The following CELSR3 variants were observed in gnomAD, a reference collection of about 807,000 sequenced individuals.
CELSR3 encodes the protein cadherin EGF LAG seven-pass G-type receptor 3, also known as EGF-like protein 1.
CELSR3 carries 73 observed loss-of-function variants against 270.0 expected under a neutral mutation model. The observed-to-expected ratio is 0.27, with a 90% CI of 0.22 to 0.33. The LOEUF is 0.33. Among genes scored for constraint, CELSR3 ranks in the 10% least tolerant of loss-of-function variants. CELSR3 has a pLI of 1.00. For synonymous variants in CELSR3, 1,780 were observed against 1,905.4 expected (o/e 0.93, Z 1.71); for missense variants, 3,614 against 4,533.8 (o/e 0.80, Z 5.83).
rs752788718 is a variant in CELSR3, at chr3:48,648,465, G to A, written c.6778-4C>T. ...CAGAGCCGGCCCACAGCAGATTCTG[G>A]GAAGACAGAGATAGAATTGGGTTCA... is the stretch of plus-strand genomic sequence containing the variant. On this transcript the variant is annotated splice_polypyrimidine_tract_variant and splice_region_variant and intron_variant, in intron 18 of 34. Transcript: ENST00000164024. 19 of 1,538,046 alleles carry A rather than the reference G, an allele frequency of 1.2e-5. No individual in the cohort carries two copies. The South Asian group carries it at 2.0e-4, about 17-fold the overall frequency.
chr3:48,653,937 C>T lies in CELSR3; in HGVS notation c.5219G>A (p.Arg1740His), dbSNP rs369198712. 21 of 1,613,358 alleles carry T rather than the reference C, an allele frequency of 1.3e-5. No individual in the cohort carries two copies. The highest frequency in any genetic ancestry group is 5.3e-5 in the African/African-American group (4 of 74,946). Residue 1740 changes from arginine (R) to histidine (H), a missense_variant, in exon 8 of 35, where the codon CGC becomes CAC. By Grantham distance (29) the Arg-to-His change is conservative. This residue lies in a region of CELSR3 where 1,331 missense variants were observed against 1,933.7 expected (regional missense o/e 0.69). Transcript: ENST00000164024. The surrounding 1 kb of genome is among the most constrained non-coding windows in gnomAD (Gnocchi z 6.5). ...PCKNSGFCSE[R>H]WGSFSCDCPV... ...GCAGTCGCAGCTGAAGCTGCCCCAG[C>T]GCTCCGAGCAGAAGCCACTGTTCTT...
At position 48,650,665 on chromosome 3, in the gene CELSR3, A is replaced by C. The variant is rs1416862026; in HGVS notation, c.6371-84T>G. On this transcript the variant is annotated intron_variant, in intron 15 of 34. Transcript: ENST00000164024. The surrounding 1 kb of genome is among the most constrained non-coding windows in gnomAD (Gnocchi z 5.1). ...ACCCACTGCCCCTCCACCACCCCCC[A>C]CAAGGCCCACTGCCCGCCACTCCTG... 25 of 1,134,980 alleles carry C rather than the reference A, an allele frequency of 2.2e-5. No homozygotes were observed. Among genetic ancestry groups the C allele is most frequent in the Middle Eastern group, 2.4e-4 (1 of 4,190 alleles). 70.3% of individuals were successfully genotyped at this position (1,134,980 alleles called of 1,614,324 possible).
chr3:48,662,325 G>T lies in CELSR3; in HGVS notation c.310C>A (p.Gln104Lys). Reference sequence around the variant, plus strand: ...TCAATCCCCAGCTCCTCATTCGGCTGCTCAGGGGGCCCTCGACTATTCCGG... The same window carrying T: ...TCAATCCCCAGCTCCTCATTCGGCTTCTCAGGGGGCCCTCGACTATTCCGG... ...SARNSRGPPEQPNEELGIEHG... is the reference protein window; with the variant it reads ...SARNSRGPPEKPNEELGIEHG... The change falls in exon 1 of 35, where the codon CAG becomes AAG. Residue 104 changes from glutamine to lysine, a missense_variant. Gln to Lys is a moderately conservative substitution (Grantham distance 53). Around this residue, in one of 7 missense-constraint regions of CELSR3, gnomAD observed 470 missense variants for 469.7 expected, o/e 1.00. Transcript: ENST00000164024. The surrounding 1 kb of genome is among the most constrained non-coding windows in gnomAD (Gnocchi z 7.1). 1 of 1,613,084 alleles carries T rather than the reference G, an allele frequency of 6.2e-7. No homozygotes were observed. The highest frequency in any genetic ancestry group is 8.5e-7 in the Non-Finnish European group (1 of 1,180,026).
chr3:48,641,819 G>T lies in CELSR3; in HGVS notation c.8824+32C>A. 7.0e-7 allele frequency: 1 copy of T among 1,433,742 alleles called. No homozygotes were observed. The highest frequency in any genetic ancestry group is 1.4e-5 in the African/African-American group (1 of 69,540). The allele number at this position is 1,433,742 out of a possible 1,614,324, so 88.8% of individuals were successfully genotyped here. A position where few individuals can be genotyped will look rare whatever the true frequency, so the allele number is the denominator to read the frequency against. On this transcript the variant is annotated intron_variant, in intron 32 of 34. Transcript: ENST00000164024. This position sits in a 1 kb window ranked among gnomAD's most constrained non-coding sequence, Gnocchi z 4.8. ...AGGGATAACAAATGGGGCATCCCTT[G>T]GTCACCCAAGGGGTCAGAGGGCGCC...
rs1386457199 is a variant in CELSR3, at chr3:48,648,836, G to A, written c.6660C>T (p.Asp2220=). ...QRLREVTGHT[D]HYFSQDVRVT... ...CTCGAACATCTTGGCTAAAATAGTGGTCAGTGTGGCCAGTCACCTCCCGTA... is the reference window on the plus strand; with the variant it reads ...CTCGAACATCTTGGCTAAAATAGTGATCAGTGTGGCCAGTCACCTCCCGTA... Residue 2220 remains aspartate (D), a synonymous_variant, in exon 18 of 35, where the codon GAC becomes GAT. Coordinates refer to ENST00000164024, the MANE Select transcript of CELSR3 (RefSeq NM_001407.3). The A allele has an allele frequency of 1.9e-6, 3 of 1,612,942 alleles. No homozygotes were observed. Among genetic ancestry groups the A allele is most frequent in the South Asian group, 2.2e-5 (2 of 91,088 alleles).
chr3:48,637,286 A>C lies in CELSR3; in HGVS notation c.*919T>G, dbSNP rs537477262. On this transcript the variant is annotated 3_prime_UTR_variant, in exon 35 of 35. Transcript: ENST00000164024. ...AAACATAGGAGGCAGTGGCACCTAC[A>C]TTCTGGGTCTTGAATTCCCTTGTTT... 1 of 152,714 alleles carries C rather than the reference A, an allele frequency of 6.5e-6. No individual in the cohort carries two copies. The highest frequency in any genetic ancestry group is 2.1e-4 in the South Asian group (1 of 4,832). 9.5% of individuals were successfully genotyped at this position (152,714 alleles called of 1,614,324 possible). A position where few individuals can be genotyped will look rare whatever the true frequency, so the allele number is the denominator to read the frequency against.
chr3:48,640,522 T>C lies in CELSR3; in HGVS notation c.9063A>G (p.Pro3021=). The change falls in exon 34 of 35, where the codon CCA becomes CCG. Residue 3021 remains proline, a synonymous_variant. Transcript: ENST00000164024. This position sits in a 1 kb window ranked among gnomAD's most constrained non-coding sequence, Gnocchi z 7.5. Reference sequence around the variant, plus strand: ...ACAGCTCAGGGGCACCTCGGGTCTGTGGCACCAGTGGGTATTGCAACCGGT... The same window carrying C: ...ACAGCTCAGGGGCACCTCGGGTCTGCGGCACCAGTGGGTATTGCAACCGGT... The part of the protein sequence containing the change: ...LKNRLQYPLV[P]QTRGAPELSW... 1.9e-6 allele frequency: 3 copies of C among 1,599,812 alleles called. No individual in the cohort carries two copies. The highest frequency in any genetic ancestry group is 2.6e-6 in the Non-Finnish European group (3 of 1,171,628).
At position 48,656,214 on chromosome 3, in the gene CELSR3, C is replaced by G; in HGVS notation, c.4551G>C (p.Ala1517=). ...CGAACGAACTGGGCGGGAAGGAGCG[C>G]GCAGCCACCTCGCAGCGCGGGCCCT... ...AFEGPRCEVA[A]RSFPPSSFVM... Residue 1517 remains alanine, a synonymous_variant, in exon 3 of 35, where the codon GCG becomes GCC. Transcript: ENST00000164024. 1 of 1,536,846 alleles carries G rather than the reference C, an allele frequency of 6.5e-7. No homozygotes were observed. Among genetic ancestry groups the G allele is most frequent in the East Asian group, 2.4e-5 (1 of 40,964 alleles).
chr3:48,658,403 C>A lies in CELSR3; in HGVS notation c.3748+484G>T, dbSNP rs922615344. 6.6e-6 allele frequency among the ~76,000 whole-genome samples: 1 copy of A among 152,212 alleles called. No individual in the cohort carries two copies. The highest frequency in any genetic ancestry group is 1.5e-5 in the Non-Finnish European group (1 of 68,040). On this transcript the variant is annotated intron_variant, in intron 1 of 34. Transcript: ENST00000164024. This position sits in a 1 kb window ranked among gnomAD's most constrained non-coding sequence, Gnocchi z 4.7. ...CCAAAGGTCAGGGTCTCAGGCCCTACGAAGCCACTGTCCACCTGAAGCTTC... is the reference window on the plus strand; with the variant it reads ...CCAAAGGTCAGGGTCTCAGGCCCTAAGAAGCCACTGTCCACCTGAAGCTTC...
chr3:48,654,197 A>C lies in CELSR3; in HGVS notation c.5152+92T>G. 6.4e-7 allele frequency: 1 copy of C among 1,554,962 alleles called. No individual in the cohort carries two copies. ...GTAGCATGGTGCTTGCCACCAAAGGAGACTGGCTTGAAGTCAGGTATGGAG... is the reference window on the plus strand; with the variant it reads ...GTAGCATGGTGCTTGCCACCAAAGGCGACTGGCTTGAAGTCAGGTATGGAG... On this transcript the variant is annotated intron_variant, in intron 7 of 34. Coordinates refer to ENST00000164024, the MANE Select transcript of CELSR3 (RefSeq NM_001407.3). The surrounding 1 kb of genome is among the most constrained non-coding windows in gnomAD (Gnocchi z 5.4).
In CELSR3 at chr3:48,639,788, G is replaced by A; in HGVS notation, c.9797C>T (p.Thr3266Ile). ...SALSSVQSSSTPLGPHTTATP... is the reference protein window; with the variant it reads ...SALSSVQSSSIPLGPHTTATP... ...GGCAGTGGTGTGAGGGCCCAAGGGT[G>A]TGCTTGAAGATTGCACAGAGGAGAG... The change falls in exon 34 of 35, where the codon ACA becomes ATA. Residue 3266 changes from threonine (T) to isoleucine (I), a missense_variant. This residue lies in a region of CELSR3 where 1,240 missense variants were observed against 1,351.7 expected (regional missense o/e 0.92). Coordinates refer to ENST00000164024, the MANE Select transcript of CELSR3 (RefSeq NM_001407.3). The surrounding 1 kb of genome is among the most constrained non-coding windows in gnomAD (Gnocchi z 4.1). 1.9e-6 allele frequency: 3 copies of A among 1,613,884 alleles called. No individual in the cohort carries two copies. The highest frequency in any genetic ancestry group is 2.5e-6 in the Non-Finnish European group (3 of 1,179,996).
chr3:48,657,549 T>TC lies in CELSR3; in HGVS notation c.3749-202dup, dbSNP rs1378636820. Among the ~76,000 whole-genome samples, 1 of 151,894 alleles carries TC rather than the reference T, an allele frequency of 6.6e-6. No individual in the cohort carries two copies. The highest frequency in any genetic ancestry group is 6.6e-5 in the Admixed American group (1 of 15,258). ...AAGGTGTCAAAAAGCTGCTGCTTCC[T>TC]CCCCCAATCCCCAATACACGGAGGG... On this transcript the variant is annotated intron_variant, in intron 1 of 34. Transcript: ENST00000164024. This position sits in a 1 kb window ranked among gnomAD's most constrained non-coding sequence, Gnocchi z 5.4.
In CELSR3 at chr3:48,662,729, C is replaced by CGCCCCGG. The variant is rs1313612305; in HGVS notation, c.-102_-96dup. 1 of 419,544 alleles carries CGCCCCGG rather than the reference C, an allele frequency of 2.4e-6. No individual in the cohort carries two copies. Among genetic ancestry groups the CGCCCCGG allele is most frequent in the East Asian group, 4.4e-5 (1 of 22,564 alleles). The allele number at this position is 419,544 out of a possible 1,614,324, so 26.0% of individuals were successfully genotyped here. A position where few individuals can be genotyped will look rare whatever the true frequency, so the allele number is the denominator to read the frequency against. ...GGGCCCCCTCCCGGGCCCCTGCCGC[C>CGCCCCGG]GCCCCGGGCCCCCGCCCCTCCGCCT... is the stretch of plus-strand genomic sequence containing the variant. On this transcript the variant is annotated 5_prime_UTR_variant, in exon 1 of 35. Coordinates refer to ENST00000164024, the MANE Select transcript of CELSR3 (RefSeq NM_001407.3). This position sits in a 1 kb window ranked among gnomAD's most constrained non-coding sequence, Gnocchi z 7.1.
Position 48,654,150 on chromosome 3 carries a change from G to A in CELSR3, c.5152+139C>T. ...CTTTCGATGAGTGGGGTTGGTAAGA[G>A]TCAGGCCCTAAAATCTGGGCTGTAG... is the stretch of plus-strand genomic sequence containing the variant. On this transcript the variant is annotated intron_variant, in intron 7 of 34. Transcript: ENST00000164024. This position sits in a 1 kb window ranked among gnomAD's most constrained non-coding sequence, Gnocchi z 5.4. The A allele has an allele frequency of 6.7e-7, 1 of 1,493,808 alleles. No homozygotes were observed. Among genetic ancestry groups the A allele is most frequent in the South Asian group, 1.3e-5 (1 of 79,032 alleles). The allele number at this position is 1,493,808 out of a possible 1,614,324, so 92.5% of individuals were successfully genotyped here.
Position 48,658,829 on chromosome 3 carries a change from TCCCTGAGG to T in CELSR3, c.3748+50_3748+57del. Reference sequence around the variant, plus strand: ...CTTTGGTTTGAGGTGCCCTGTGGAGTCCCTGAGGCCCAACAGGTTGGTGTCACTGGGTC... The same window carrying T: ...CTTTGGTTTGAGGTGCCCTGTGGAGTCCCAACAGGTTGGTGTCACTGGGTC... On this transcript the variant is annotated intron_variant, in intron 1 of 34. Transcript: ENST00000164024. This position sits in a 1 kb window ranked among gnomAD's most constrained non-coding sequence, Gnocchi z 4.7. The T allele has an allele frequency of 1.3e-6, 2 of 1,576,588 alleles. No homozygotes were observed. Among genetic ancestry groups the T allele is most frequent in the Non-Finnish European group, 1.7e-6 (2 of 1,158,372 alleles).
chr3:48,637,902 C>G lies in CELSR3; in HGVS notation c.*303G>C, dbSNP rs997126294. 21 of 398,772 alleles carry G rather than the reference C, an allele frequency of 5.3e-5. No individual in the cohort carries two copies. Among genetic ancestry groups the G allele is most frequent in the African/African-American group, 1.6e-4 (8 of 50,346 alleles). The allele number at this position is 398,772 out of a possible 1,614,324, so 24.7% of individuals were successfully genotyped here. A position where few individuals can be genotyped will look rare whatever the true frequency, so the allele number is the denominator to read the frequency against. ...GCATCTCTCCCTCTATCTCCCTCCC[C>G]CTCCCAGCCCAGCCTCAAACCCCCC... On this transcript the variant is annotated 3_prime_UTR_variant, in exon 35 of 35. Transcript: ENST00000164024.
intron 34 of CELSR3, among the ~76,000 whole-genome samples, chr3:48,638,611 G>T (rs965929056): frequency 6.7e-6 from 1 of 149,346 alleles, no homozygotes; most frequent in Middle Eastern, 3.4e-3. Flanking sequence ...CTAAGGTCAC[G>T]CAGCTAGTAA....
Position 48,661,788 on chromosome 3 carries a change from G to T in CELSR3, c.847C>A (p.Arg283Ser), listed in dbSNP as rs754091184. 5 of 1,605,262 alleles carry T rather than the reference G, an allele frequency of 3.1e-6. No homozygotes were observed. Among genetic ancestry groups the T allele is most frequent in the Non-Finnish European group, 4.2e-6 (5 of 1,177,452 alleles). The change falls in exon 1 of 35, where the codon CGC becomes AGC. Residue 283 changes from arginine to serine, a missense_variant. Around this residue, in one of 7 missense-constraint regions of CELSR3, gnomAD observed 470 missense variants for 469.7 expected, o/e 1.00. Coordinates refer to ENST00000164024, the MANE Select transcript of CELSR3 (RefSeq NM_001407.3). Reference sequence around the variant, plus strand: ...GGGCGCTGCGGGAGGAAGCGGCAGCGGAAGAGACCCCGGGAGCGCATGCGC... The same window carrying T: ...GGGCGCTGCGGGAGGAAGCGGCAGCTGAAGAGACCCCGGGAGCGCATGCGC... Reference protein sequence around the residue: ...PKRMRSRGLFRCRFLPQRPGP... With the variant: ...PKRMRSRGLFSCRFLPQRPGP...
At chr3:48,647,055 G>T in intron 20 of CELSR3, 127 bp from the exon 21 acceptor site, 1 of 860,314 alleles carries the variant, frequency 1.2e-6, no homozygotes, top group Non-Finnish European at 1.7e-6. Flanking sequence ...AGTGCAGGGA[G>T]CATGAACCCA....
Sources: gnomAD v4.1 joint callset for allele counts (sites outside exome capture counted in the v4.1 genomes callset) on GRCh38, gnomAD v4.1.1 for gene constraint, gnomAD v4.1.1 regional missense constraint, Gnocchi (gnomAD v3.1) non-coding constraint, MANE v1.5 for transcripts, NCBI Gene and HGNC (gene_info 2026-07-23, HGNC 2026-07-21) for gene names.